Variants in SIMC1 observed in about 807,000 individuals in gnomAD.
SIMC1 encodes the protein SUMO-interacting motif-containing protein 1.
A neutral mutation model predicts 82.3 loss-of-function variants in SIMC1; 55 were observed. The ratio of observed to expected loss-of-function variants is 0.67; its 90% confidence interval spans 0.54 to 0.84. The LOEUF is 0.84. Ranked by LOEUF, SIMC1 falls within the 40% of genes least tolerant of loss-of-function variation. The pLI is 0.00. For missense variants in SIMC1, 915 were observed against 1,107.2 expected (o/e 0.83, Z 2.46); for synonymous variants, 353 against 426.3 (o/e 0.83, Z 2.12).
At chr5:176,310,689 G>C (rs2113337301) in intron 4 of SIMC1, among the ~76,000 whole-genome samples, 1 of 152,276 alleles carries the variant, frequency 6.6e-6, no homozygotes, top group East Asian at 1.9e-4. Flanking sequence ...ATGACGCAAG[G>C]AGTTCCTTTG....
intron 1 of SIMC1, among the ~76,000 whole-genome samples, chr5:176,288,419 G>GAATAAATA (rs780754339): frequency 0.012 from 1,227 of 104,484 alleles, 4 homozygotes; most frequent in Middle Eastern, 0.029. Flanking sequence ...AAGAATGAAT[G>GAATAAATA]AATGAATAAA....
intron 1 of SIMC1, among the ~76,000 whole-genome samples, chr5:176,255,498 G>A (rs1298650271): frequency 6.6e-6 from 1 of 150,416 alleles, no homozygotes; most frequent in Non-Finnish European, 1.5e-5. Context: ...AAGGAGAATC[G>A]CTTGAACCCG....
At chr5:176,244,902 G>C (rs1360833268) in intron 1 of SIMC1, among the ~76,000 whole-genome samples, 2 of 151,702 alleles carry the variant, frequency 1.3e-5, no homozygotes, top group African/African-American at 4.8e-5. Context: ...TATATTTTTA[G>C]TAGAGACAGG....
intron 2 of SIMC1, among the ~76,000 whole-genome samples, chr5:176,293,461 G>A (rs1447363048): frequency 6.6e-6 from 1 of 151,494 alleles, no homozygotes; most frequent in Non-Finnish European, 1.5e-5. Context: ...AATTGTTTAA[G>A]GCCAGACATG....
At chr5:176,280,175 A>G (rs186497442) in intron 1 of SIMC1, among the ~76,000 whole-genome samples, 2 of 152,150 alleles carry the variant, frequency 1.3e-5, no homozygotes, top group South Asian at 2.1e-4. Context: ...GGGTGTATAT[A>G]TATTTAGGAT....
rs112631505 is a variant in SIMC1 at position 176,325,237 on chromosome 5, A to C, written c.2171+480A>C. 5.9e-5 allele frequency among the ~76,000 whole-genome samples: 9 copies of C among 152,158 alleles called. 1 individual carries two copies. Among genetic ancestry groups the C allele is most frequent in the African/African-American group, 2.2e-4 (9 of 41,502 alleles). On this transcript the variant is annotated intron_variant, in intron 7 of 9. Coordinates refer to ENST00000429602, the MANE Select transcript of SIMC1 (RefSeq NM_001308195.2). Reference sequence around the variant, plus strand: ...CCCTGTCTCTACTAAAAATACAAAAATTAGTTGGGCGTGGTGGTGCACACC... The same window carrying C: ...CCCTGTCTCTACTAAAAATACAAAACTTAGTTGGGCGTGGTGGTGCACACC...
chr5:176,287,307 T>C (rs1379603897), intron 1 of SIMC1, among the ~76,000 whole-genome samples: 2 of 152,118 alleles, frequency 1.3e-5, no homozygotes, highest in Non-Finnish European at 2.9e-5. Flanking sequence ...CCATAAAAAA[T>C]GATGAGTTCA....
Position 176,309,030 on chromosome 5 carries a change from G to A in SIMC1, c.1735-4661G>A. ...CTGGAATAAAGCAGGAGACAAAATG[G>A]AGAAAGATGAAAATATCCAGTGTAA... is the stretch of plus-strand genomic sequence containing the variant. On this transcript the variant is annotated intron_variant, in intron 4 of 9. Transcript: ENST00000429602. 3.9e-6 allele frequency: 3 copies of A among 776,960 alleles called. No individual in the cohort carries two copies. The South Asian group carries it at 4.3e-5, about 11-fold the overall frequency. The allele number at this position is 776,960 out of a possible 1,614,324, so 48.1% of individuals were successfully genotyped here.
intron 9 of SIMC1, 21 bp downstream of exon 9, chr5:176,337,167 A>G: frequency 6.3e-7 from 1 of 1,593,888 alleles, no homozygotes; most frequent in South Asian, 1.1e-5. Flanking sequence ...TTTGTTCACA[A>G]GTGGAGTAGT....
At chr5:176,291,517 T>C (rs1360305917) in intron 2 of SIMC1, among the ~76,000 whole-genome samples, 8 of 152,022 alleles carry the variant, frequency 5.3e-5, no homozygotes, top group Admixed American at 5.2e-4. Flanking sequence ...TTTGTATTTT[T>C]AGTAGAGACG....
chr5:176,294,078 G>C (rs1447633199), intron 2 of SIMC1, among the ~76,000 whole-genome samples: 1 of 152,052 alleles, frequency 6.6e-6, no homozygotes, highest in Non-Finnish European at 1.5e-5. Flanking sequence ...TTCGGTATCT[G>C]ATATAGTATC....
chr5:176,294,073 T>C (rs916732941), intron 2 of SIMC1, among the ~76,000 whole-genome samples: 1 of 152,146 alleles, frequency 6.6e-6, no homozygotes, highest in African/African-American at 2.4e-5. Flanking sequence ...TCTATTTCGG[T>C]ATCTGATATA....
chr5:176,293,584 A>G (rs1581265378), intron 2 of SIMC1, among the ~76,000 whole-genome samples: 1 of 151,832 alleles, frequency 6.6e-6, no homozygotes, highest in Non-Finnish European at 1.5e-5. Flanking sequence ...TCTCTACTAA[A>G]AATACTAAAA....
chr5:176,331,784 C>T (rs753133091), intron 7 of SIMC1, among the ~76,000 whole-genome samples: 1 of 151,946 alleles, frequency 6.6e-6, no homozygotes, highest in Non-Finnish European at 1.5e-5. Flanking sequence ...GCTTGGCCAG[C>T]ATGGTGAAAC....
intron 4 of SIMC1, among the ~76,000 whole-genome samples, chr5:176,299,392 TAAA>T (rs567330074): frequency 3.0e-5 from 4 of 132,398 alleles, no homozygotes; most frequent in Admixed American, 7.6e-5. Flanking sequence ...ACCCTGTCTC[TAAA>T]AAAAAAAAAA....
chr5:176,311,405 T>C lies in SIMC1; in HGVS notation c.1735-2286T>C, dbSNP rs2113339271. 2.0e-5 allele frequency among the ~76,000 whole-genome samples: 3 copies of C among 152,120 alleles called. No homozygotes were observed. The Middle Eastern group carries it at 0.01, about 521-fold the overall frequency. On this transcript the variant is annotated intron_variant, in intron 4 of 9. Coordinates refer to ENST00000429602, the MANE Select transcript of SIMC1 (RefSeq NM_001308195.2). ...GGCACATGCTATCACGCCTGGATAA[T>C]TTTTTTATTTTTATTTTTGTAGAGA...
Position 176,279,699 on chromosome 5 carries a change from A to G in SIMC1, c.130-9955A>G, listed in dbSNP as rs201862549. ...TCTTTGTTCTCGTTGGTTTCAAAGA[A>G]CATCTTTATTTCTGCCTTCATTTCG... On this transcript the variant is annotated intron_variant, in intron 1 of 9. Transcript: ENST00000429602. Among the ~76,000 whole-genome samples, 1,497 of 150,754 alleles carry G rather than the reference A, an allele frequency of 9.9e-3. 77 individuals are homozygous for G. In the East Asian group the frequency reaches 0.14, roughly 14 times the overall value.
intron 4 of SIMC1, among the ~76,000 whole-genome samples, chr5:176,311,968 G>T (rs1764682937): frequency 6.6e-6 from 1 of 152,140 alleles, no homozygotes; most frequent in African/African-American, 2.4e-5. Flanking sequence ...TCCAAAATGG[G>T]GAGTCAAGAG....
At position 176,310,492 on chromosome 5, in the gene SIMC1, C is replaced by G. The variant is rs193148769; in HGVS notation, c.1735-3199C>G. Reference sequence around the variant, plus strand: ...ATGAAAAGGAACTAACTGTTGGTTACAAGAACTTGGTTGTACCTCAGGGGT... The same window carrying G: ...ATGAAAAGGAACTAACTGTTGGTTAGAAGAACTTGGTTGTACCTCAGGGGT... On this transcript the variant is annotated intron_variant, in intron 4 of 9. Coordinates refer to ENST00000429602, the MANE Select transcript of SIMC1 (RefSeq NM_001308195.2). Among the ~76,000 whole-genome samples, 7 of 152,288 alleles carry G rather than the reference C, an allele frequency of 4.6e-5. No homozygotes were observed. The East Asian group carries it at 1.2e-3, about 25-fold the overall frequency.
Sources: gnomAD v4.1 joint callset for allele counts (sites outside exome capture counted in the v4.1 genomes callset) on GRCh38, gnomAD v4.1.1 for gene constraint, MANE v1.5 for transcripts, NCBI Gene and HGNC (gene_info 2026-07-23, HGNC 2026-07-21) for gene names.